Variants in GRK3 observed in about 807,000 individuals in gnomAD.
GRK3 encodes the protein adrenergic, beta, receptor kinase 2.
GRK3 carries 54 observed loss-of-function variants against 95.7 expected under a neutral mutation model. That is an observed-to-expected ratio of 0.56 (90% CI 0.45 to 0.71). The LOEUF is 0.71. GRK3 is among the 30% of genes least tolerant of loss of function. GRK3 has a pLI of 0.00. For missense variants in GRK3, 649 were observed against 851.2 expected, an observed-to-expected ratio of 0.76 and a Z score of 2.96; for synonymous variants, 281 against 290.8, an observed-to-expected ratio of 0.97 and a Z score of 0.34.
chr22:25,630,317 G>T (rs973315718), intron 2 of GRK3, among the ~76,000 whole-genome samples: 34 of 152,146 alleles, frequency 2.2e-4, no homozygotes, highest in African/African-American at 7.7e-4. Flanking sequence ...TTTGTTCTTA[G>T]AGAAGTCTCT....
chr22:25,709,598 G>A (rs2085327843), intron 15 of GRK3, among the ~76,000 whole-genome samples: 1 of 150,682 alleles, frequency 6.6e-6, no homozygotes, highest in African/African-American at 2.4e-5. Flanking sequence ...TAGAATTATT[G>A]TGTGTGTGTG....
intron 2 of GRK3, among the ~76,000 whole-genome samples, chr22:25,638,633 A>G (rs2084720997): frequency 6.6e-6 from 1 of 152,174 alleles, no homozygotes; most frequent in African/African-American, 2.4e-5. Flanking sequence ...AGGCCATAGT[A>G]ATAGTGGGGG....
intron 18 of GRK3, among the ~76,000 whole-genome samples, chr22:25,717,646 T>C (rs2085397399): frequency 6.6e-6 from 1 of 152,180 alleles, no homozygotes; most frequent in South Asian, 2.1e-4. Flanking sequence ...ATTAACCTTT[T>C]CTTTTTTTAA....
intron 2 of GRK3, 135 bp from the exon 3 acceptor site, chr22:25,644,457 C>A: frequency 4.2e-6 from 2 of 471,500 alleles, no homozygotes; most frequent in East Asian, 6.7e-5. Flanking sequence ...TCACTAGCTT[C>A]TTGAAATCTT....
At chr22:25,600,032 A>T (rs1022763962) in intron 1 of GRK3, among the ~76,000 whole-genome samples, 1 of 152,140 alleles carries the variant, frequency 6.6e-6, no homozygotes, top group African/African-American at 2.4e-5. Context: ...AAGTATGCAG[A>T]TTCTTTAAGT....
rs2085496715 is a variant in GRK3 at position 25,729,112 on chromosome 22, C to T, written c.*6662C>T. On this transcript the variant is annotated 3_prime_UTR_variant, in exon 21 of 21. Coordinates refer to ENST00000324198, the MANE Select transcript of GRK3 (RefSeq NM_005160.4). ...ATAATCCCTTCTCAGTATACACTCA[C>T]TAGTGCACGTCTGAAATAGTATCCC... 6.6e-6 allele frequency: 1 copy of T among 152,208 alleles called. No individual in the cohort carries two copies. The highest frequency in any genetic ancestry group is 1.5e-5 in the Non-Finnish European group (1 of 68,042). The allele number at this position is 152,208 out of a possible 1,614,324, so 9.4% of individuals were successfully genotyped here.
chr22:25,608,799 A>G (rs1176688957), intron 2 of GRK3, among the ~76,000 whole-genome samples: 1 of 152,206 alleles, frequency 6.6e-6, no homozygotes, highest in Non-Finnish European at 1.5e-5. Flanking sequence ...CTAAGCAGAG[A>G]ATCCAGTGGA....
chr22:25,630,773 C>T (rs2084658669), intron 2 of GRK3, among the ~76,000 whole-genome samples: 1 of 152,128 alleles, frequency 6.6e-6, no homozygotes, highest in Non-Finnish European at 1.5e-5. Context: ...TGAATGATCC[C>T]ATTAATTAAT....
chr22:25,578,326 A>C (rs572296184), intron 1 of GRK3, among the ~76,000 whole-genome samples: 1 of 152,288 alleles, frequency 6.6e-6, no homozygotes, highest in South Asian at 2.1e-4. Flanking sequence ...TGTGGTGGGC[A>C]CCTTCGCTAA....
At chr22:25,634,559 C>T (rs946907214) in intron 2 of GRK3, among the ~76,000 whole-genome samples, 5 of 152,126 alleles carry the variant, frequency 3.3e-5, no homozygotes, top group Non-Finnish European at 7.4e-5. Context: ...TGCATTAAAG[C>T]ACCTTTATGT....
At chr22:25,668,077 T>C (rs1009597279) in intron 6 of GRK3, among the ~76,000 whole-genome samples, 2 of 152,230 alleles carry the variant, frequency 1.3e-5, no homozygotes, top group Admixed American at 6.5e-5. Flanking sequence ...AAGTATCTTA[T>C]TGAGAGACCT....
intron 1 of GRK3, among the ~76,000 whole-genome samples, chr22:25,579,776 G>A (rs1441747108): frequency 6.6e-6 from 1 of 151,954 alleles, no homozygotes; most frequent in African/African-American, 2.4e-5. Context: ...CTGGCCGAGG[G>A]GACTTCTTTA....
intron 12 of GRK3, among the ~76,000 whole-genome samples, chr22:25,694,336 C>T (rs979120708): frequency 6.6e-6 from 1 of 152,218 alleles, no homozygotes; most frequent in African/African-American, 2.4e-5. Context: ...GGCTGCCTCG[C>T]ATGCTTCCTG....
At position 25,690,170 on chromosome 22, in the gene GRK3, T is replaced by G; in HGVS notation, c.958-19T>G. On this transcript the variant is annotated intron_variant, in intron 11 of 20. Coordinates refer to ENST00000324198, the MANE Select transcript of GRK3 (RefSeq NM_005160.4). ...GCATTTGGGGCACTCTTATTAAAGA[T>G]TATTCTCTTTCTGTTTAGCCAGCAA... The G allele has an allele frequency of 6.3e-7, 1 of 1,595,540 alleles. No individual in the cohort carries two copies. The highest frequency in any genetic ancestry group is 8.6e-7 in the Non-Finnish European group (1 of 1,163,258).
chr22:25,567,498 G>C (rs1332097163), intron 1 of GRK3, among the ~76,000 whole-genome samples: 3 of 152,196 alleles, frequency 2.0e-5, no homozygotes, highest in Non-Finnish European at 2.9e-5. Context: ...TTAATTGCAT[G>C]TTAAAATGCC....
chr22:25,648,721 T>G (rs924305010), intron 3 of GRK3: 2 of 1,061,140 alleles, frequency 1.9e-6, no homozygotes, highest in African/African-American at 3.1e-5. Flanking sequence ...CTTCCACAAA[T>G]GGTTGATATG....
intron 1 of GRK3, among the ~76,000 whole-genome samples, chr22:25,602,219 C>T (rs531728774): frequency 1.3e-5 from 2 of 152,322 alleles, no homozygotes; most frequent in East Asian, 3.9e-4. Flanking sequence ...CAAACATGCT[C>T]AACGTCATTA....
chr22:25,669,729 A>G (rs2084966516), intron 6 of GRK3, among the ~76,000 whole-genome samples: 1 of 152,218 alleles, frequency 6.6e-6, no homozygotes, highest in Non-Finnish European at 1.5e-5. Flanking sequence ...CCTAAAGAGG[A>G]ACTTGTTACA....
At chr22:25,614,263 G>C (rs1459158737) in intron 2 of GRK3, among the ~76,000 whole-genome samples, 2 of 152,088 alleles carry the variant, frequency 1.3e-5, no homozygotes, top group Admixed American at 1.3e-4. Flanking sequence ...GAGTAGCTAG[G>C]ACTACAGGCA....
Sources: gnomAD v4.1 joint callset for allele counts (sites outside exome capture counted in the v4.1 genomes callset) on GRCh38, gnomAD v4.1.1 for gene constraint, MANE v1.5 for transcripts, NCBI Gene and HGNC (gene_info 2026-07-23, HGNC 2026-07-21) for gene names.